TNKS: variants seen among roughly 807,000 people sequenced by gnomAD.
TNKS encodes the protein tankyrase, also known as poly [ADP-ribose] polymerase tankyrase-1.
TNKS carries 72 observed loss-of-function variants against 135.8 expected under a neutral mutation model. The observed-to-expected ratio is 0.53, with a 90% CI of 0.44 to 0.64. The LOEUF is 0.64. TNKS is among the 30% of genes least tolerant of loss of function. TNKS has a pLI of 0.00. For missense variants in TNKS, 1,769 were observed against 1,674.0 expected (o/e 1.06, Z -0.99); for synonymous variants, 849 against 649.3 (o/e 1.31, Z -4.68).
chr8:9,624,306 TATA>T (rs1304882367), intron 3 of TNKS, among the ~76,000 whole-genome samples: 1 of 152,364 alleles, frequency 6.6e-6, no homozygotes, highest in African/African-American at 2.4e-5. Context: ...TTCTTTAAAA[TATA>T]ATAAATTACT....
At chr8:9,746,485 C>A (rs1806242099) in intron 17 of TNKS, among the ~76,000 whole-genome samples, 1 of 152,102 alleles carries the variant, frequency 6.6e-6, no homozygotes, top group African/African-American at 2.4e-5. Flanking sequence ...AGTTCTTCTC[C>A]AGCTTCCATT....
chr8:9,610,454 C>A (rs1046025563), intron 2 of TNKS, among the ~76,000 whole-genome samples: 2 of 151,628 alleles, frequency 1.3e-5, no homozygotes, highest in African/African-American at 4.8e-5. Flanking sequence ...AGTGCATAAA[C>A]GCAAGGATCT....
intron 3 of TNKS, among the ~76,000 whole-genome samples, chr8:9,625,495 C>T (rs1423034568): frequency 6.6e-6 from 1 of 151,310 alleles, no homozygotes. Context: ...ACCTTTTTTC[C>T]CCTTTTTCCT....
At chr8:9,691,148 A>C (rs1466651875) in intron 5 of TNKS, among the ~76,000 whole-genome samples, 1 of 152,230 alleles carries the variant, frequency 6.6e-6, no homozygotes, top group Non-Finnish European at 1.5e-5. Flanking sequence ...AGTTGAAGTA[A>C]CTGCAGGGGA....
intron 3 of TNKS, chr8:9,670,976 G>T (rs2128792810): frequency 6.6e-6 from 1 of 152,256 alleles, no homozygotes; most frequent in Middle Eastern, 3.4e-3. Context: ...TGTTTTTAAT[G>T]CAGATAACAA....
At chr8:9,706,316 A>G in intron 7 of TNKS, 63 bp downstream of exon 7, 2 of 1,242,170 alleles carry the variant, frequency 1.6e-6, no homozygotes, top group South Asian at 3.1e-5. Flanking sequence ...CCTTGTCATG[A>G]CTTTCCATAC....
At chr8:9,576,293 G>C (rs1469547193) in intron 1 of TNKS, among the ~76,000 whole-genome samples, 5 of 152,010 alleles carry the variant, frequency 3.3e-5, no homozygotes, top group African/African-American at 1.2e-4. Context: ...TACCTAAGAC[G>C]GTAATTTATG....
intron 1 of TNKS, among the ~76,000 whole-genome samples, chr8:9,568,857 A>G (rs1473460387): frequency 1.3e-5 from 2 of 152,200 alleles, no homozygotes; most frequent in Non-Finnish European, 2.9e-5. Flanking sequence ...GGTTAGTTGC[A>G]ACGTAGAATC....
chr8:9,761,759 T>A, intron 21 of TNKS, 123 bp downstream of exon 21: 2 of 1,002,422 alleles, frequency 2.0e-6, no homozygotes, highest in Non-Finnish European at 2.8e-6. Flanking sequence ...GTACCTCCTG[T>A]CCCTTCCCCA....
intron 1 of TNKS, among the ~76,000 whole-genome samples, chr8:9,569,550 T>C (rs1168696960): frequency 6.6e-6 from 1 of 152,260 alleles, no homozygotes; most frequent in Non-Finnish European, 1.5e-5. Flanking sequence ...AATTCTATTG[T>C]GGGAATATAC....
chr8:9,652,010 A>T (rs563411374), intron 3 of TNKS, among the ~76,000 whole-genome samples: 1 of 152,228 alleles, frequency 6.6e-6, no homozygotes, highest in African/African-American at 2.4e-5. Flanking sequence ...CATTGTATGC[A>T]TAATTTAAAG....
intron 2 of TNKS, among the ~76,000 whole-genome samples, chr8:9,598,743 GTATATATGTATA>G (rs1297542422): frequency 1.4e-4 from 15 of 105,880 alleles, no homozygotes; most frequent in African/African-American, 3.4e-4. Flanking sequence ...GTCTGTGTGT[GTATATATGTATA>G]TGTGTGTGTG....
chr8:9,562,845 A>AT (rs955823956), intron 1 of TNKS, among the ~76,000 whole-genome samples: 8 of 142,060 alleles, frequency 5.6e-5, no homozygotes, highest in Admixed American at 2.1e-4. Flanking sequence ...TGGGCAAAGG[A>AT]TTTTTTTTTT....
At chr8:9,614,672 T>C (rs373676225) in intron 2 of TNKS, among the ~76,000 whole-genome samples, 28 of 152,288 alleles carry the variant, frequency 1.8e-4, no homozygotes, top group African/African-American at 6.0e-4. Context: ...TAACTTACAA[T>C]TGAATTTTAC....
intron 3 of TNKS, among the ~76,000 whole-genome samples, chr8:9,648,855 C>A (rs188051168): frequency 6.6e-6 from 1 of 151,358 alleles, no homozygotes; most frequent in Non-Finnish European, 1.5e-5. Flanking sequence ...TTGGGGAAAA[C>A]ACCATTGCGA....
chr8:9,774,884 A>T (rs1184584392), intron 26 of TNKS, among the ~76,000 whole-genome samples: 1 of 152,158 alleles, frequency 6.6e-6, no homozygotes, highest in Non-Finnish European at 1.5e-5. Flanking sequence ...TATAGATATT[A>T]AACTTCACTC....
At chr8:9,598,158 G>C (rs1042943051) in intron 2 of TNKS, among the ~76,000 whole-genome samples, 2 of 152,068 alleles carry the variant, frequency 1.3e-5, no homozygotes, top group Non-Finnish European at 2.9e-5. Flanking sequence ...CCATTCTCCT[G>C]CCTCAGCCTC....
At chr8:9,599,722 A>T (rs1475256948) in intron 2 of TNKS, among the ~76,000 whole-genome samples, 1 of 152,236 alleles carries the variant, frequency 6.6e-6, no homozygotes, top group African/African-American at 2.4e-5. Flanking sequence ...GATCTGGGAT[A>T]TAAAAATCTG....
chr8:9,760,008 A>AAAG (rs1233820777), intron 20 of TNKS, among the ~76,000 whole-genome samples: 1 of 152,022 alleles, frequency 6.6e-6, no homozygotes, highest in Non-Finnish European at 1.5e-5. Flanking sequence ...AAAAAAAAGT[A>AAAG]AAGTCTGAGA....
Sources: gnomAD v4.1 joint callset for allele counts (sites outside exome capture counted in the v4.1 genomes callset) on GRCh38, gnomAD v4.1.1 for gene constraint, MANE v1.5 for transcripts, NCBI Gene and HGNC (gene_info 2026-07-23, HGNC 2026-07-21) for gene names.